DMD: variants seen among roughly 807,000 people sequenced by gnomAD.
DMD encodes dystrophin.
A neutral mutation model predicts 330.1 loss-of-function variants in DMD; 63 were observed. The observed-to-expected ratio is 0.19, with a 90% CI of 0.16 to 0.24. DMD has a LOEUF of 0.24. Among genes scored for constraint, DMD ranks in the 10% least tolerant of loss-of-function variants. The pLI is 1.00. For missense variants in DMD, 3,344 were observed against 2,684.1 expected (o/e 1.25, Z -5.43); for synonymous variants, 1,223 against 959.8 (o/e 1.27, Z -5.07).
intron 13 of DMD, among the ~76,000 whole-genome samples, chrX:32,588,850 T>G (rs1156363733): frequency 8.9e-6 from 1 of 112,254 alleles, no homozygotes; most frequent in African/African-American, 3.2e-5. Context: ...ACTCTAGGTT[T>G]CTGGTACAGG....
chrX:32,923,021 A>T (rs956340825), intron 2 of DMD, among the ~76,000 whole-genome samples: 2 of 111,734 alleles, frequency 1.8e-5, no homozygotes, highest in African/African-American at 6.5e-5. Flanking sequence ...TTTTTCCTAT[A>T]TTTTAACAGA....
rs5972394 is a variant in DMD, at chrX:31,518,289, C to T, written c.8218-10836G>A. 5.3e-3 allele frequency among the ~76,000 whole-genome samples: 589 copies of T among 111,628 alleles called. 3 individuals carry two copies. The highest frequency in any genetic ancestry group is 8.7e-3 in the Non-Finnish European group (460 of 53,068). ...TGAAAGAGAAAACGAGTCTTAAAGA[C>T]AGGCTGAGTTTTCTTTTTTTAATAC... On this transcript the variant is annotated intron_variant, in intron 55 of 78. Transcript: ENST00000357033.
intron 47 of DMD, among the ~76,000 whole-genome samples, chrX:31,897,191 C>T (rs1258461926): frequency 2.7e-5 from 3 of 110,343 alleles, no homozygotes; most frequent in Non-Finnish European, 5.7e-5. Flanking sequence ...TTTGTTCTTG[C>T]GACAGTTTAC....
At chrX:32,176,057 T>A (rs1208467342) in intron 44 of DMD, among the ~76,000 whole-genome samples, 1 of 111,977 alleles carries the variant, frequency 8.9e-6, no homozygotes, top group African/African-American at 3.2e-5. Context: ...AGTTCATTTT[T>A]AAGGTCTTTG....
chrX:31,486,501 A>C (rs2068819264), intron 57 of DMD, among the ~76,000 whole-genome samples: 1 of 112,431 alleles, frequency 8.9e-6, no homozygotes, highest in African/African-American at 3.2e-5. Flanking sequence ...TCCCATTAGC[A>C]TTGCCTTCTT....
At chrX:31,429,358 T>C (rs559900248) in intron 60 of DMD, among the ~76,000 whole-genome samples, 1 of 111,678 alleles carries the variant, frequency 9.0e-6, no homozygotes, top group African/African-American at 3.3e-5. Flanking sequence ...CAAAGCTGAA[T>C]TGATCTGAAG....
intron 55 of DMD, among the ~76,000 whole-genome samples, chrX:31,509,142 T>C (rs929263210): frequency 9.0e-6 from 1 of 111,717 alleles, no homozygotes; most frequent in African/African-American, 3.3e-5. Context: ...AGGTTTGTAC[T>C]GGAAGGATAT....
In DMD at chrX:32,084,945, C is replaced by A. The variant is rs752938494; in HGVS notation, c.6439-116431G>T. 2.7e-5 allele frequency among the ~76,000 whole-genome samples: 3 copies of A among 111,315 alleles called. No individual in the cohort carries two copies. The East Asian group carries it at 8.5e-4, about 32-fold the overall frequency. On this transcript the variant is annotated intron_variant, in intron 44 of 78. Transcript: ENST00000357033. ...AATCTTCAAGCCACGAAACCTGGCC[C>A]CGGGCTCTATCTGCCCAGTAAAAGG...
At chrX:31,312,469 T>C (rs2055600295) in intron 62 of DMD, among the ~76,000 whole-genome samples, 1 of 112,376 alleles carries the variant, frequency 8.9e-6, no homozygotes, top group Non-Finnish European at 1.9e-5. Flanking sequence ...AGATGCTGGC[T>C]AGGCTGTGGA....
intron 9 of DMD, among the ~76,000 whole-genome samples, chrX:32,672,450 C>G (rs2061690833): frequency 9.0e-6 from 1 of 111,217 alleles, no homozygotes; most frequent in African/African-American, 3.3e-5. Context: ...AAACACTGAA[C>G]TCTTTCAAAT....
At chrX:33,107,577 G>A (rs2095302536) in intron 1 of DMD, among the ~76,000 whole-genome samples, 1 of 110,454 alleles carries the variant, frequency 9.1e-6, no homozygotes, top group Non-Finnish European at 1.9e-5. Flanking sequence ...AATTTCCATG[G>A]TAATGATTAT....
intron 44 of DMD, among the ~76,000 whole-genome samples, chrX:32,128,938 G>A (rs1435469945): frequency 9.0e-6 from 1 of 111,348 alleles, no homozygotes; most frequent in East Asian, 2.8e-4. Context: ...GAAAGAAAGA[G>A]CACAACAGAA....
chrX:33,330,413 C>G (rs2054154827), intron 1 of DMD, among the ~76,000 whole-genome samples: 1 of 111,618 alleles, frequency 9.0e-6, no homozygotes, highest in Non-Finnish European at 1.9e-5. Context: ...TCCTTTGTAA[C>G]CTCTGAGGTC....
chrX:31,429,887 T>TAAG (rs34697560), intron 60 of DMD, among the ~76,000 whole-genome samples: 1 of 109,814 alleles, frequency 9.1e-6, no homozygotes, highest in African/African-American at 3.3e-5. Context: ...TTTTTTTTTT[T>TAAG]AAGTTGAGAT....
intron 2 of DMD, among the ~76,000 whole-genome samples, chrX:32,925,233 T>C (rs1296217522): frequency 9.8e-6 from 1 of 102,431 alleles, no homozygotes; most frequent in Non-Finnish European, 2.0e-5. Context: ...ACAAAGCCTA[T>C]GCAGTTCTCA....
chrX:31,274,788 T>A (rs2051966006), intron 62 of DMD, among the ~76,000 whole-genome samples: 1 of 112,438 alleles, frequency 8.9e-6, no homozygotes, highest in Non-Finnish European at 1.9e-5. Context: ...ATGGAACACT[T>A]ACATATGTAT....
intron 50 of DMD, among the ~76,000 whole-genome samples, chrX:31,812,686 A>G (rs772318305): frequency 3.6e-5 from 4 of 112,287 alleles, no homozygotes; most frequent in African/African-American, 6.5e-5. Flanking sequence ...TCAAATGAAG[A>G]TAACTAAATC....
intron 2 of DMD, among the ~76,000 whole-genome samples, chrX:32,914,827 AC>A (rs1287293451): frequency 8.9e-6 from 1 of 112,044 alleles, no homozygotes; most frequent in African/African-American, 3.2e-5. Flanking sequence ...ACAAACTAAA[AC>A]ATTTTGTGTC....
At chrX:31,144,035 T>C (rs1201882328) in intron 76 of DMD, among the ~76,000 whole-genome samples, 1 of 111,955 alleles carries the variant, frequency 8.9e-6, no homozygotes, top group Non-Finnish European at 1.9e-5. Flanking sequence ...AGAGATTGCC[T>C]TAAATCATGG....
Sources: gnomAD v4.1 joint callset for allele counts (sites outside exome capture counted in the v4.1 genomes callset) on GRCh38, gnomAD v4.1.1 for gene constraint, MANE v1.5 for transcripts, NCBI Gene and HGNC (gene_info 2026-07-23, HGNC 2026-07-21) for gene names.